Variants in SLIT3 observed in about 807,000 individuals in gnomAD.
The protein encoded by SLIT3 is slit homolog 3 protein.
In SLIT3, 68 loss-of-function variants were observed where a neutral mutation model predicts 184.0. The ratio of observed to expected loss-of-function variants is 0.37; its 90% CI spans 0.30 to 0.45. SLIT3 has a LOEUF of 0.45. SLIT3 is among the 20% of genes least tolerant of loss of function. SLIT3 has a pLI of 1.00. For missense variants in SLIT3, 1,707 were observed against 2,026.0 expected, an observed-to-expected ratio of 0.84 and a Z score of 3.02; for synonymous variants, 831 against 828.6, an observed-to-expected ratio of 1.00 and a Z score of -0.05.
intron 31 of SLIT3, 138 bp downstream of exon 31, chr5:168,685,548 TG>T (rs1476653804): frequency 1.7e-5 from 19 of 1,099,514 alleles, no homozygotes; most frequent in Admixed American, 2.6e-5. Context: ...CTGGATGAGT[TG>T]GTCCAGATGT....
intron 6 of SLIT3, among the ~76,000 whole-genome samples, chr5:168,824,262 G>A (rs1184083838): frequency 6.6e-6 from 1 of 152,164 alleles, no homozygotes; most frequent in Admixed American, 6.5e-5. Flanking sequence ...TCTCAAACAA[G>A]TCTGTGAGCT....
intron 29 of SLIT3, 52 bp from the exon 30 acceptor site, chr5:168,687,168 G>A (rs149420470): frequency 1.2e-4 from 185 of 1,598,738 alleles, no homozygotes; most frequent in Non-Finnish European, 1.5e-4. Context: ...CCAGCTTGCA[G>A]GCAGTCACTC....
At chr5:169,179,429 G>T (rs140002468) in intron 4 of SLIT3, among the ~76,000 whole-genome samples, 15 of 152,254 alleles carry the variant, frequency 9.9e-5, no homozygotes, top group African/African-American at 3.4e-4. Context: ...GAGGCCTAGA[G>T]ATGAAGCCAA....
chr5:169,025,277 TC>T (rs1430401231), intron 4 of SLIT3, among the ~76,000 whole-genome samples: 1 of 152,164 alleles, frequency 6.6e-6, no homozygotes, highest in Non-Finnish European at 1.5e-5. Context: ...CAGAAATGGC[TC>T]CAGCCCCATA....
intron 4 of SLIT3, among the ~76,000 whole-genome samples, chr5:169,088,632 C>T (rs190656707): frequency 2.6e-5 from 4 of 152,102 alleles, no homozygotes; most frequent in African/African-American, 9.6e-5. Context: ...AGGGTCTTTC[C>T]GAGAATCAGA....
rs866271582 is a variant in SLIT3 at position 169,300,881 on chromosome 5, C to T, written c.-172G>A. 21 of 478,264 alleles carry T rather than the reference C, an allele frequency of 4.4e-5. No individual in the cohort carries two copies. The highest frequency in any genetic ancestry group is 2.1e-4 in the African/African-American group (10 of 48,400). 29.6% of individuals were successfully genotyped at this position (478,264 alleles called of 1,614,324 possible). ...CGGGGCGCGGGCGGAGCGGGGCGCT[C>T]CGGGCGGCGGCGGCGGCAGCAACAG... On this transcript the variant is annotated 5_prime_UTR_variant, in exon 1 of 36. Transcript: ENST00000519560. This position sits in a 1 kb window ranked among gnomAD's most constrained non-coding sequence, Gnocchi z 4.1.
At chr5:169,079,949 G>A (rs1002843067) in intron 4 of SLIT3, among the ~76,000 whole-genome samples, 2 of 150,638 alleles carry the variant, frequency 1.3e-5, no homozygotes, top group Admixed American at 6.6e-5. Flanking sequence ...GAGAGAAGAG[G>A]GAGAAGGAAG....
intron 8 of SLIT3, among the ~76,000 whole-genome samples, chr5:168,811,092 T>C (rs1454598856): frequency 6.6e-6 from 1 of 152,004 alleles, no homozygotes; most frequent in Non-Finnish European, 1.5e-5. Flanking sequence ...CCTGCTGAGA[T>C]GAGTGGGAAA....
At chr5:169,058,016 A>G (rs1758062794) in intron 4 of SLIT3, among the ~76,000 whole-genome samples, 1 of 152,188 alleles carries the variant, frequency 6.6e-6, no homozygotes, top group South Asian at 2.1e-4. Context: ...CCCAGCATGT[A>G]GTGAGTTATT....
At chr5:169,066,873 G>T (rs1758364995) in intron 4 of SLIT3, among the ~76,000 whole-genome samples, 1 of 146,594 alleles carries the variant, frequency 6.8e-6, no homozygotes, top group Admixed American at 6.9e-5. Flanking sequence ...TGATTTTGTG[G>T]AAGACAATTT....
At chr5:169,230,135 T>G (rs987912893) in intron 3 of SLIT3, among the ~76,000 whole-genome samples, 1 of 152,214 alleles carries the variant, frequency 6.6e-6, no homozygotes, top group Non-Finnish European at 1.5e-5. Context: ...TTGAATATAT[T>G]CTATTTTTAT....
At chr5:168,970,179 T>TAAAC (rs56753863) in intron 4 of SLIT3, among the ~76,000 whole-genome samples, 7 of 141,612 alleles carry the variant, frequency 4.9e-5, no homozygotes, top group South Asian at 2.3e-4. Context: ...AGACTCTGTC[T>TAAAC]AAACAAACAA....
intron 4 of SLIT3, among the ~76,000 whole-genome samples, chr5:169,099,106 C>A (rs1561663909): frequency 6.6e-6 from 1 of 152,102 alleles, no homozygotes; most frequent in Non-Finnish European, 1.5e-5. Context: ...ACCCCAGCCC[C>A]TCTCCCCAGT....
At chr5:168,776,378 G>A (rs1345067421) in intron 12 of SLIT3, among the ~76,000 whole-genome samples, 1 of 152,082 alleles carries the variant, frequency 6.6e-6, no homozygotes, top group African/African-American at 2.4e-5. Flanking sequence ...GCCTGGCAGT[G>A]GAAAAAAAAT....
intron 4 of SLIT3, among the ~76,000 whole-genome samples, chr5:169,001,224 C>A (rs1001516928): frequency 6.6e-6 from 1 of 152,222 alleles, no homozygotes; most frequent in Non-Finnish European, 1.5e-5. Context: ...AAACTTCTCA[C>A]TTCCAGCTCA....
At chr5:169,048,437 A>G (rs1248153023) in intron 4 of SLIT3, among the ~76,000 whole-genome samples, 5 of 152,232 alleles carry the variant, frequency 3.3e-5, no homozygotes, top group African/African-American at 9.6e-5. Context: ...TCAAGCTCTA[A>G]GATAATCTCT....
intron 4 of SLIT3, among the ~76,000 whole-genome samples, chr5:169,182,207 T>C (rs1024732327): frequency 6.6e-6 from 1 of 152,128 alleles, no homozygotes; most frequent in African/African-American, 2.4e-5. Flanking sequence ...AAAAGAAACA[T>C]CATGAATAAA....
chr5:168,980,913 C>T (rs1213787705), intron 4 of SLIT3, among the ~76,000 whole-genome samples: 1 of 152,030 alleles, frequency 6.6e-6, no homozygotes, highest in Non-Finnish European at 1.5e-5. Context: ...AATATGTAAC[C>T]AAATGTCCAT....
chr5:168,759,666 G>C (rs1284446452), intron 16 of SLIT3, among the ~76,000 whole-genome samples: 2 of 152,206 alleles, frequency 1.3e-5, no homozygotes, highest in Non-Finnish European at 2.9e-5. Context: ...ACGTGGGTGT[G>C]GGTGACTCTG....
Sources: gnomAD v4.1 joint callset for allele counts (sites outside exome capture counted in the v4.1 genomes callset) on GRCh38, gnomAD v4.1.1 for gene constraint, Gnocchi (gnomAD v3.1) non-coding constraint, MANE v1.5 for transcripts, NCBI Gene and HGNC (gene_info 2026-07-23, HGNC 2026-07-21) for gene names.